The following KIF6 variants were observed in gnomAD, a reference collection of about 807,000 sequenced individuals.
The protein encoded by KIF6 is kinesin-like protein KIF6.
Under a neutral mutation model 112.7 loss-of-function variants are expected in KIF6, and 106 were observed. That is an observed-to-expected ratio of 0.94 (90% CI 0.80 to 1.11). The LOEUF is 1.11. KIF6 is among the 50% of genes least tolerant of loss of function. KIF6 has a pLI of 0.00. For missense variants in KIF6, 929 were observed against 964.0 expected (o/e 0.96, Z 0.48); for synonymous variants, 339 against 339.9 (o/e 1.00, Z 0.03).
Position 39,534,597 on chromosome 6 carries a change from A to G in KIF6, c.1645+5406T>C, listed in dbSNP as rs1431988427. 9.2e-5 allele frequency among the ~76,000 whole-genome samples: 14 copies of G among 152,306 alleles called. No individual in the cohort carries two copies. In the South Asian group the frequency reaches 1.0e-3, roughly 11 times the overall value. ...AAACCTACGTCTGATTGGTGTACCTAAAAGTGATGGGGAGAATGGAACCAA... is the reference window on the plus strand; with the variant it reads ...AAACCTACGTCTGATTGGTGTACCTGAAAGTGATGGGGAGAATGGAACCAA... On this transcript the variant is annotated intron_variant, in intron 13 of 22. Transcript: ENST00000287152.
chr6:39,602,308 T>A (rs943584262), intron 6 of KIF6, among the ~76,000 whole-genome samples: 3 of 152,060 alleles, frequency 2.0e-5, no homozygotes, highest in Non-Finnish European at 2.9e-5. Flanking sequence ...CCTTACAGAG[T>A]CATCATATCT....
chr6:39,565,434 C>CA (rs1780230050), intron 10 of KIF6, among the ~76,000 whole-genome samples: 1 of 152,184 alleles, frequency 6.6e-6, no homozygotes, highest in African/African-American at 2.4e-5. Flanking sequence ...ATTAAGGCCT[C>CA]AGGACAGATC....
intron 3 of KIF6, among the ~76,000 whole-genome samples, chr6:39,700,762 G>A (rs905046830): frequency 4.0e-5 from 6 of 151,292 alleles, no homozygotes; most frequent in East Asian, 1.9e-4. Context: ...CACCCAGGCT[G>A]GAGTGCAGTG....
At chr6:39,529,026 C>G (rs1777897758) in intron 13 of KIF6, among the ~76,000 whole-genome samples, 1 of 152,160 alleles carries the variant, frequency 6.6e-6, no homozygotes, top group Non-Finnish European at 1.5e-5. Context: ...GTAGACTCAA[C>G]TGATTTTTGA....
At chr6:39,718,085 C>A (rs1280287106) in intron 2 of KIF6, among the ~76,000 whole-genome samples, 2 of 151,706 alleles carry the variant, frequency 1.3e-5, no homozygotes, top group East Asian at 3.9e-4. Context: ...ACAAAATTAG[C>A]CAGGTGTGGT....
At chr6:39,654,226 T>C (rs1224431885) in intron 3 of KIF6, among the ~76,000 whole-genome samples, 1 of 152,172 alleles carries the variant, frequency 6.6e-6, no homozygotes, top group African/African-American at 2.4e-5. Flanking sequence ...GGGGACAAAC[T>C]GTTTCTTTGA....
intron 7 of KIF6, among the ~76,000 whole-genome samples, chr6:39,589,081 T>C (rs987349152): frequency 2.6e-5 from 4 of 152,224 alleles, no homozygotes; most frequent in Non-Finnish European, 5.9e-5. Context: ...TCATGTTCCC[T>C]GGGCCTGTAC....
chr6:39,491,516 T>C (rs1158501107), intron 13 of KIF6, among the ~76,000 whole-genome samples: 1 of 152,150 alleles, frequency 6.6e-6, no homozygotes, highest in African/African-American at 2.4e-5. Flanking sequence ...ATGTTTGGAG[T>C]TATTTGTTAC....
intron 3 of KIF6, among the ~76,000 whole-genome samples, chr6:39,662,332 T>C (rs1331145027): frequency 6.6e-6 from 1 of 152,192 alleles, no homozygotes; most frequent in East Asian, 1.9e-4. Flanking sequence ...CCACAAGGCA[T>C]TTGAGGTGTT....
At chr6:39,608,478 T>C (rs936463088) in intron 6 of KIF6, among the ~76,000 whole-genome samples, 4 of 152,218 alleles carry the variant, frequency 2.6e-5, no homozygotes, top group East Asian at 1.9e-4. Context: ...AACAGAATCA[T>C]TGTATGACAA....
At chr6:39,647,341 T>C (rs796930592) in intron 3 of KIF6, among the ~76,000 whole-genome samples, 1 of 152,114 alleles carries the variant, frequency 6.6e-6, no homozygotes. Context: ...GTCCCTCTTA[T>C]GGTAATAGGC....
intron 13 of KIF6, among the ~76,000 whole-genome samples, chr6:39,462,058 AG>A (rs1773512836): frequency 6.6e-6 from 1 of 152,240 alleles, no homozygotes; most frequent in Non-Finnish European, 1.5e-5. Flanking sequence ...AGTCACATGC[AG>A]CTCATGGCTA....
intron 5 of KIF6, among the ~76,000 whole-genome samples, chr6:39,619,870 C>G (rs917955438): frequency 1.3e-4 from 20 of 152,014 alleles, no homozygotes; most frequent in African/African-American, 4.8e-4. Flanking sequence ...AAATAATACC[C>G]AAATATAATA....
intron 21 of KIF6, among the ~76,000 whole-genome samples, chr6:39,344,663 G>A (rs987393717): frequency 3.3e-5 from 5 of 151,934 alleles, no homozygotes; most frequent in Non-Finnish European, 7.4e-5. Context: ...TCCCATCCCT[G>A]ATTTACCCAA....
At chr6:39,379,256 T>G (rs1433758942) in intron 16 of KIF6, among the ~76,000 whole-genome samples, 1 of 152,310 alleles carries the variant, frequency 6.6e-6, no homozygotes, top group South Asian at 2.1e-4. Context: ...TGTAATTTGC[T>G]CAGCTGTGGA....
chr6:39,379,013 T>C (rs1046477622), intron 16 of KIF6, among the ~76,000 whole-genome samples: 1 of 152,236 alleles, frequency 6.6e-6, no homozygotes, highest in Admixed American at 6.5e-5. Context: ...TTTCGGTATC[T>C]TTTGTAAAAC....
rs201098717 is a variant in KIF6, at chr6:39,343,853, C to T, written c.2322-38G>A. On this transcript the variant is annotated intron_variant, in intron 21 of 22. Coordinates refer to ENST00000287152, the MANE Select transcript of KIF6 (RefSeq NM_145027.6). This position sits in a 1 kb window ranked among gnomAD's most constrained non-coding sequence, Gnocchi z 4.1. ...ACGTGTCACATTTTACTACACTTTACAACTGGACTCACCACTTATATTTCC... is the reference window on the plus strand; with the variant it reads ...ACGTGTCACATTTTACTACACTTTATAACTGGACTCACCACTTATATTTCC... 2.1e-4 allele frequency: 256 copies of T among 1,196,328 alleles called. No homozygotes were observed. The African/African-American group carries it at 3.3e-3, about 16-fold the overall frequency. 74.1% of individuals were successfully genotyped at this position (1,196,328 alleles called of 1,614,324 possible).
chr6:39,638,977 C>T (rs1050890354), intron 4 of KIF6, among the ~76,000 whole-genome samples: 3 of 152,038 alleles, frequency 2.0e-5, no homozygotes, highest in African/African-American at 7.2e-5. Context: ...TCTAGATCAG[C>T]TACTTACAGG....
chr6:39,548,255 T>A (rs571064016), intron 10 of KIF6, among the ~76,000 whole-genome samples: 10 of 152,320 alleles, frequency 6.6e-5, no homozygotes, highest in African/African-American at 2.4e-4. Context: ...CCTCGTAAGA[T>A]ACAAGCCTGC....
Sources: allele counts gnomAD v4.1 joint callset (sites outside exome capture counted in the v4.1 genomes callset), GRCh38; gene constraint gnomAD v4.1.1; non-coding constraint Gnocchi (gnomAD v3.1); transcripts MANE v1.5; gene names NCBI Gene and HGNC (gene_info 2026-07-23, HGNC 2026-07-21).